Variants in KCNK2 observed in about 807,000 individuals in gnomAD.
The protein encoded by KCNK2 is potassium channel subfamily K member 2.
Under a neutral mutation model 40.5 loss-of-function variants are expected in KCNK2, and 21 were observed. That is an observed-to-expected ratio of 0.52 (90% CI 0.37 to 0.75). The LOEUF is 0.75. Ranked by LOEUF, KCNK2 falls within the 30% of genes least tolerant of loss-of-function variation. The pLI is 0.00. For missense variants in KCNK2, 399 were observed against 531.6 expected (o/e 0.75, Z 2.45); for synonymous variants, 191 against 202.2 (o/e 0.94, Z 0.47).
At chr1:215,076,017 A>G (rs1215141057) in intron 1 of KCNK2, among the ~76,000 whole-genome samples, 1 of 152,234 alleles carries the variant, frequency 6.6e-6, no homozygotes, top group Admixed American at 6.5e-5. Context: ...TCTAATGTAC[A>G]TTCAAGTTTG....
intron 3 of KCNK2, among the ~76,000 whole-genome samples, chr1:215,151,840 C>T: frequency 6.6e-6 from 1 of 151,784 alleles, no homozygotes; most frequent in East Asian, 1.9e-4. Context: ...GAATAAGAAC[C>T]CAGGAATTTT....
chr1:215,070,773 T>TTAA lies in KCNK2; in HGVS notation c.35-15595_35-15594insTAA, dbSNP rs1156870856. Among the ~76,000 whole-genome samples, 3 of 152,270 alleles carry TTAA rather than the reference T, an allele frequency of 2.0e-5. No homozygotes were observed. The East Asian group carries it at 5.8e-4, about 29-fold the overall frequency. On this transcript the variant is annotated intron_variant, in intron 1 of 6. Coordinates refer to the KCNK2 transcript ENST00000391895. Reference sequence around the variant, plus strand: ...ATCAGATGCCTTCCTTCAGCTGTCCTATTAGCTTTCAGTTTAGTAGAGGAA... The same window carrying TTAA: ...ATCAGATGCCTTCCTTCAGCTGTCCTTAAATTAGCTTTCAGTTTAGTAGAGGAA...
intron 3 of KCNK2, among the ~76,000 whole-genome samples, chr1:215,139,032 C>T (rs1432189795): frequency 6.6e-6 from 1 of 152,140 alleles, no homozygotes; most frequent in East Asian, 1.9e-4. Context: ...GAATTAATAG[C>T]ATACTCATTT....
chr1:215,203,785 T>G (rs1558137203), intron 6 of KCNK2, among the ~76,000 whole-genome samples: 1 of 151,996 alleles, frequency 6.6e-6, no homozygotes. Context: ...TTTAAAGAAC[T>G]AGTTTCTCTT....
intron 3 of KCNK2, among the ~76,000 whole-genome samples, chr1:215,142,167 ACTCAT>A (rs1296863240): frequency 6.6e-6 from 1 of 151,388 alleles, no homozygotes; most frequent in Admixed American, 6.6e-5. Flanking sequence ...CTATTTTTTT[ACTCAT>A]CTCTTTTCCT....
intron 3 of KCNK2, among the ~76,000 whole-genome samples, chr1:215,124,994 A>T (rs1661352162): frequency 6.6e-6 from 1 of 152,230 alleles, no homozygotes; most frequent in African/African-American, 2.4e-5. Context: ...TGCAGCAGTC[A>T]TTTGACTAAT....
intron 1 of KCNK2, among the ~76,000 whole-genome samples, chr1:215,035,924 AG>A (rs764552988): frequency 2.1e-4 from 23 of 108,698 alleles, no homozygotes; most frequent in South Asian, 4.5e-4. Context: ...ATTGGTTTTG[AG>A]GAGTTTTTTT....
rs1228530745 is a variant in KCNK2 at position 215,236,768 on chromosome 1, G to A, written c.*1623G>A. On this transcript the variant is annotated 3_prime_UTR_variant, in exon 7 of 7. Transcript: ENST00000444842. ...TTTCTTTTACTTTTTTGTGTGTGGG[G>A]GTGGGAGCTGTATCTGAATAAGTGG... 1.3e-5 allele frequency: 2 copies of A among 151,548 alleles called. No individual in the cohort carries two copies. Among genetic ancestry groups the A allele is most frequent in the Admixed American group, 6.6e-5 (1 of 15,216 alleles). 9.4% of individuals were successfully genotyped at this position (151,548 alleles called of 1,614,324 possible).
At chr1:215,172,278 A>C in intron 5 of KCNK2, 95 bp downstream of exon 5, 1 of 1,109,936 alleles carries the variant, frequency 9.0e-7, no homozygotes, top group Non-Finnish European at 1.3e-6. Context: ...GGGCTGTATG[A>C]GTTTTCTAGG....
intron 1 of KCNK2, among the ~76,000 whole-genome samples, chr1:215,063,402 C>T (rs2102509329): frequency 6.6e-6 from 1 of 152,276 alleles, no homozygotes; most frequent in African/African-American, 2.4e-5. Context: ...GAGACTGCTG[C>T]AGTCACCCAG....
chr1:215,043,854 C>G (rs1657650311), intron 1 of KCNK2, among the ~76,000 whole-genome samples: 1 of 151,962 alleles, frequency 6.6e-6, no homozygotes, highest in South Asian at 2.1e-4. Context: ...GGGTAGTAAA[C>G]AAAAAGTTAG....
At chr1:215,149,250 A>G (rs895391227) in intron 3 of KCNK2, among the ~76,000 whole-genome samples, 27 of 152,180 alleles carry the variant, frequency 1.8e-4, no homozygotes. Context: ...ATTGCCTACA[A>G]AGCCTTCTGT....
intron 5 of KCNK2, among the ~76,000 whole-genome samples, chr1:215,185,181 C>G (rs116824011): frequency 6.6e-6 from 1 of 151,720 alleles, no homozygotes; most frequent in South Asian, 2.1e-4. Context: ...TAGAAATATA[C>G]GTTAATTATA....
At chr1:215,164,806 C>T (rs1421395803) in intron 3 of KCNK2, among the ~76,000 whole-genome samples, 4 of 152,126 alleles carry the variant, frequency 2.6e-5, no homozygotes, top group East Asian at 1.9e-4. Flanking sequence ...ACTTATCACA[C>T]GTTTGTATCA....
At chr1:215,057,577 G>C (rs1658213656) in intron 1 of KCNK2, among the ~76,000 whole-genome samples, 1 of 152,102 alleles carries the variant, frequency 6.6e-6, no homozygotes, top group East Asian at 1.9e-4. Flanking sequence ...AGTTCTTTCT[G>C]CTTGAATAGT....
chr1:215,141,710 T>C (rs2885813), intron 3 of KCNK2, among the ~76,000 whole-genome samples: 116,785 of 151,958 alleles, frequency 0.77, 45,183 homozygotes, highest in Non-Finnish European at 0.79. Flanking sequence ...AAATTGTTCT[T>C]TATTGTCTCC....
intron 1 of KCNK2, among the ~76,000 whole-genome samples, chr1:215,085,691 A>T (rs1288613168): frequency 6.6e-6 from 1 of 152,230 alleles, no homozygotes; most frequent in Non-Finnish European, 1.5e-5. Context: ...TTGGTAAAAC[A>T]TGTCCAAGAT....
At chr1:215,221,428 T>C (rs956791756) in intron 6 of KCNK2, among the ~76,000 whole-genome samples, 1 of 152,128 alleles carries the variant, frequency 6.6e-6, no homozygotes, top group African/African-American at 2.4e-5. Context: ...AAAATACTAA[T>C]AGGCTACTAT....
chr1:215,102,112 A>G (rs1660248108), intron 2 of KCNK2, among the ~76,000 whole-genome samples: 1 of 152,018 alleles, frequency 6.6e-6, no homozygotes, highest in Non-Finnish European at 1.5e-5. Context: ...ATTAATATAT[A>G]AATAAGTTAA....
Sources: gnomAD v4.1 joint callset for allele counts (sites outside exome capture counted in the v4.1 genomes callset) on GRCh38, gnomAD v4.1.1 for gene constraint, MANE v1.5 for transcripts, NCBI Gene and HGNC (gene_info 2026-07-23, HGNC 2026-07-21) for gene names.